The following ASF1A variants were observed in gnomAD, a reference collection of about 807,000 sequenced individuals.
ASF1A encodes anti-silencing function 1A histone chaperone.
A neutral mutation model predicts 22.0 loss-of-function variants in ASF1A; 5 were observed. That is an observed-to-expected ratio of 0.23 (90% CI 0.12 to 0.48). The LOEUF (loss-of-function observed/expected upper bound fraction) is 0.48. Among genes scored for constraint, ASF1A ranks in the 20% least tolerant of loss-of-function variants. The pLI is 0.99. For missense variants in ASF1A, 137 were observed against 240.6 expected, an observed-to-expected ratio of 0.57 and a Z score of 2.85; for synonymous variants, 97 against 86.7, an observed-to-expected ratio of 1.12 and a Z score of -0.66.
At position 118,907,689 on chromosome 6, in the gene ASF1A, C is replaced by A; in HGVS notation, c.*75C>A. 2 of 1,184,004 alleles carry A rather than the reference C, an allele frequency of 1.7e-6. No individual in the cohort carries two copies. Among genetic ancestry groups the A allele is most frequent in the Non-Finnish European group, 2.5e-6 (2 of 814,022 alleles). The allele number at this position is 1,184,004 out of a possible 1,614,324, so 73.3% of individuals were successfully genotyped here. On this transcript the variant is annotated 3_prime_UTR_variant, in exon 4 of 4. Transcript: ENST00000229595. ...CTATTTCCCTGAAATTCCGTAAGTACATAGTCAAAACACAATGTGAAGAAT... is the reference window on the plus strand; with the variant it reads ...CTATTTCCCTGAAATTCCGTAAGTAAATAGTCAAAACACAATGTGAAGAAT...
At chr6:118,894,857 C>T (rs1034606497) in intron 1 of ASF1A, among the ~76,000 whole-genome samples, 1 of 152,148 alleles carries the variant, frequency 6.6e-6, no homozygotes, top group Non-Finnish European at 1.5e-5. Context: ...TGGCTCCGCG[C>T]CGCCAACAGC....
chr6:118,909,075 T>C lies in ASF1A; in HGVS notation c.*1461T>C, dbSNP rs1266824398. 4 of 152,206 alleles carry C rather than the reference T, an allele frequency of 2.6e-5. No homozygotes were observed. The highest frequency in any genetic ancestry group is 6.5e-5 in the Admixed American group (1 of 15,280). The allele number at this position is 152,206 out of a possible 1,614,324, so 9.4% of individuals were successfully genotyped here. On this transcript the variant is annotated 3_prime_UTR_variant, in exon 4 of 4. Transcript: ENST00000229595. Reference sequence around the variant, plus strand: ...TTTAAAAGTAAAATACTTCTGACTGTTAAAACTATATAAAGAAAATCTCAT... The same window carrying C: ...TTTAAAAGTAAAATACTTCTGACTGCTAAAACTATATAAAGAAAATCTCAT...
chr6:118,895,000 C>T (rs1361695496), intron 1 of ASF1A, among the ~76,000 whole-genome samples: 2 of 152,166 alleles, frequency 1.3e-5, no homozygotes, highest in Non-Finnish European at 2.9e-5. Flanking sequence ...GCGCACGGCG[C>T]CTCCTCTTGC....
In ASF1A at chr6:118,908,452, C is replaced by A. The variant is rs1396200545; in HGVS notation, c.*838C>A. On this transcript the variant is annotated 3_prime_UTR_variant, in exon 4 of 4. Coordinates refer to ENST00000229595, the MANE Select transcript of ASF1A (RefSeq NM_014034.3). The stretch of plus-strand genomic sequence containing the variant: ...AAAAATACCATGACCTTTAAAAATT[C>A]TTTTAATAGATCATGTTATTGGCAG... 6.6e-6 allele frequency: 1 copy of A among 151,988 alleles called. No homozygotes were observed. The highest frequency in any genetic ancestry group is 2.4e-5 in the African/African-American group (1 of 41,410). 9.4% of individuals were successfully genotyped at this position (151,988 alleles called of 1,614,324 possible).
At chr6:118,896,971 G>A (rs1472358295) in intron 1 of ASF1A, among the ~76,000 whole-genome samples, 1 of 151,990 alleles carries the variant, frequency 6.6e-6, no homozygotes, top group Non-Finnish European at 1.5e-5. Context: ...CTGAATAGCT[G>A]GGACCATAGT....
rs888996296 is a variant in ASF1A, at chr6:118,894,332, G to A, written c.-82G>A. Reference sequence around the variant, plus strand: ...CTGGCCGGCGCTGGAGCGGGGGTCTGCGCTCTCCCGAGCGGCCGCGCGCTG... The same window carrying A: ...CTGGCCGGCGCTGGAGCGGGGGTCTACGCTCTCCCGAGCGGCCGCGCGCTG... On this transcript the variant is annotated 5_prime_UTR_variant, in exon 1 of 4. Transcript: ENST00000229595. 1.0e-4 allele frequency: 153 copies of A among 1,528,538 alleles called. 2 individuals carry two copies. The Admixed American group carries it at 3.0e-3, about 30-fold the overall frequency. 94.7% of individuals were successfully genotyped at this position (1,528,538 alleles called of 1,614,324 possible).
In ASF1A at chr6:118,894,277, A is replaced by G. The variant is rs1779185180; in HGVS notation, c.-137A>G. ...CTCCCGTGTAAATAAAAAGAGGAAA[A>G]AAGTTTCTCAAGTCGCCGCTGCACG... On this transcript the variant is annotated 5_prime_UTR_variant, in exon 1 of 4. Transcript: ENST00000229595. 1.4e-5 allele frequency: 21 copies of G among 1,463,738 alleles called. No individual in the cohort carries two copies. The highest frequency in any genetic ancestry group is 1.6e-5 in the Non-Finnish European group (18 of 1,114,478). 90.7% of individuals were successfully genotyped at this position (1,463,738 alleles called of 1,614,324 possible).
intron 1 of ASF1A, among the ~76,000 whole-genome samples, chr6:118,898,679 C>A (rs1313878820): frequency 6.6e-6 from 1 of 152,134 alleles, no homozygotes; most frequent in Non-Finnish European, 1.5e-5. Flanking sequence ...TAGCCTCCCA[C>A]AATGCTGGGA....
At chr6:118,895,357 AAT>A (rs1359160840) in intron 1 of ASF1A, among the ~76,000 whole-genome samples, 1 of 152,176 alleles carries the variant, frequency 6.6e-6, no homozygotes, top group African/African-American at 2.4e-5. Flanking sequence ...CAGGAAGAGA[AAT>A]AGAGCTGAGG....
chr6:118,902,807 G>T lies in ASF1A; in HGVS notation c.225+1926G>T, dbSNP rs562881794. 1.1e-4 allele frequency among the ~76,000 whole-genome samples: 16 copies of T among 152,294 alleles called. No individual in the cohort carries two copies. In the South Asian group the frequency reaches 2.7e-3, roughly 26 times the overall value. On this transcript the variant is annotated intron_variant, in intron 2 of 3. Coordinates refer to ENST00000229595, the MANE Select transcript of ASF1A (RefSeq NM_014034.3). Reference sequence around the variant, plus strand: ...CAGAATTCACCATTATCAACAGAAAGAGACTAAATTACAGCTTTTGTTTTG... The same window carrying T: ...CAGAATTCACCATTATCAACAGAAATAGACTAAATTACAGCTTTTGTTTTG...
intron 1 of ASF1A, 101 bp from the exon 2 acceptor site, chr6:118,900,665 T>C: frequency 1.2e-6 from 1 of 822,814 alleles, no homozygotes; most frequent in Non-Finnish European, 2.1e-6. Flanking sequence ...AAGCCAATTT[T>C]AAAGCCAGTA....
intron 2 of ASF1A, among the ~76,000 whole-genome samples, chr6:118,904,920 TTCCACC>T (rs1432453021): frequency 6.6e-6 from 1 of 152,154 alleles, no homozygotes; most frequent in African/African-American, 2.4e-5. Context: ...TCACTGCAAC[TTCCACC>T]TCCTCGGTTC....
At chr6:118,904,144 T>C (rs2114540123) in intron 2 of ASF1A, among the ~76,000 whole-genome samples, 2 of 152,278 alleles carry the variant, frequency 1.3e-5, no homozygotes, top group Admixed American at 1.3e-4. Flanking sequence ...AATGATAGGC[T>C]AGAGCTGGGG....
chr6:118,906,580 T>C (rs576309117), intron 3 of ASF1A, among the ~76,000 whole-genome samples: 1 of 152,330 alleles, frequency 6.6e-6, no homozygotes, highest in South Asian at 2.1e-4. Flanking sequence ...ATGAATACGG[T>C]TATCTCAAAA....
Position 118,905,634 on chromosome 6 carries a change from C to A in ASF1A, c.226-18C>A, listed in dbSNP as rs745886885. 2 of 1,574,658 alleles carry A rather than the reference C, an allele frequency of 1.3e-6. No individual in the cohort carries two copies. Among genetic ancestry groups the A allele is most frequent in the South Asian group, 2.4e-5 (2 of 84,538 alleles). ...CCTTTTGTGTGTGTGTGTTTCTTTT[C>A]TTTTTAATTTATTCTAGGCTGATGC... On this transcript the variant is annotated intron_variant, in intron 2 of 3. Coordinates refer to ENST00000229595, the MANE Select transcript of ASF1A (RefSeq NM_014034.3).
At chr6:118,899,116 G>A (rs1251243061) in intron 1 of ASF1A, among the ~76,000 whole-genome samples, 2 of 152,104 alleles carry the variant, frequency 1.3e-5, no homozygotes, top group East Asian at 1.9e-4. Context: ...ATGGCCACAC[G>A]AGGTCCATGC....
chr6:118,896,522 T>A (rs1179801828), intron 1 of ASF1A, among the ~76,000 whole-genome samples: 1 of 152,236 alleles, frequency 6.6e-6, no homozygotes, highest in Non-Finnish European at 1.5e-5. Flanking sequence ...CATTTTTAAC[T>A]GGGATCCATT....
chr6:118,907,215 C>A (rs1175160313), intron 3 of ASF1A, among the ~76,000 whole-genome samples, 187 bp from the exon 4 acceptor site: 1 of 152,150 alleles, frequency 6.6e-6, no homozygotes, highest in African/African-American at 2.4e-5. Context: ...AAAATAACTT[C>A]TTTGCTACAG....
rs542746321 is a variant in ASF1A, at chr6:118,898,855, C to T, written c.110-1911C>T. ...CACTTGTTTTGTAACTTAATTTGTC[C>T]TCTTATCTTTGGAGGGCTCAAATCT... On this transcript the variant is annotated intron_variant, in intron 1 of 3. Coordinates refer to ENST00000229595, the MANE Select transcript of ASF1A (RefSeq NM_014034.3). Among the ~76,000 whole-genome samples, 8 of 152,254 alleles carry T rather than the reference C, an allele frequency of 5.3e-5. No homozygotes were observed. The East Asian group carries it at 1.5e-3, about 29-fold the overall frequency.
Sources: allele counts gnomAD v4.1 joint callset (sites outside exome capture counted in the v4.1 genomes callset), GRCh38; gene constraint gnomAD v4.1.1; transcripts MANE v1.5; gene names NCBI Gene and HGNC (gene_info 2026-07-23, HGNC 2026-07-21).